IL12RB1: variants seen among roughly 807,000 people sequenced by gnomAD.
The protein encoded by IL12RB1 is interleukin-12 receptor subunit beta-1.
In IL12RB1, 64 loss-of-function variants were observed where a neutral mutation model predicts 94.4. The observed-to-expected ratio is 0.68, with a 90% CI of 0.55 to 0.83. The LOEUF (loss-of-function observed/expected upper bound fraction) is 0.83. Ranked by LOEUF, IL12RB1 falls within the 40% of genes least tolerant of loss-of-function variation. The pLI, the probability that IL12RB1 is intolerant of heterozygous loss-of-function variation, is 0.00. For synonymous variants in IL12RB1, 362 were observed against 355.5 expected (o/e 1.02, Z -0.21); for missense variants, 814 against 855.6 (o/e 0.95, Z 0.61).
intron 8 of IL12RB1, 31 bp from the exon 9 acceptor site, chr19:18,072,380 T>A: frequency 1.4e-6 from 2 of 1,408,274 alleles, no homozygotes; most frequent in Non-Finnish European, 2.0e-6. Context: ...AGCTTGTGGG[T>A]ACCTGATCAC....
intron 3 of IL12RB1, 52 bp downstream of exon 3, chr19:18,082,098 A>G: frequency 8.6e-7 from 1 of 1,158,042 alleles, no homozygotes; most frequent in South Asian, 1.2e-5. Context: ...AGGGGGTTGA[A>G]GCAAGAGTGG....
chr19:18,071,663 A>G (rs972521424), intron 9 of IL12RB1, among the ~76,000 whole-genome samples: 7 of 151,620 alleles, frequency 4.6e-5, no homozygotes, highest in Non-Finnish European at 1.0e-4. Flanking sequence ...TGCATTATGG[A>G]TCTTGATTAT....
chr19:18,075,047 G>C (rs1195033115), intron 7 of IL12RB1, among the ~76,000 whole-genome samples: 1 of 148,544 alleles, frequency 6.7e-6, no homozygotes, highest in African/African-American at 2.5e-5. Context: ...GTGAGACTCC[G>C]TCTCAAAAAA....
At chr19:18,085,922 A>G (rs1248604363) in intron 1 of IL12RB1, among the ~76,000 whole-genome samples, 1 of 151,366 alleles carries the variant, frequency 6.6e-6, no homozygotes, top group East Asian at 2.0e-4. Context: ...GATTATTAAA[A>G]GTATATGGGA....
rs2146278131 is a variant in IL12RB1, at chr19:18,073,474, C to T, written c.783+43G>A. 4 of 1,236,976 alleles carry T rather than the reference C, an allele frequency of 3.2e-6. No homozygotes were observed. The South Asian group carries it at 3.6e-5, about 11-fold the overall frequency. 76.6% of individuals were successfully genotyped at this position (1,236,976 alleles called of 1,614,324 possible). ...CCCGCCTAGGCTTTTGCCTCCTGCT[C>T]CCCATCCCAGGCCACCCCACAGCCC... On this transcript the variant is annotated intron_variant, in intron 8 of 16. Transcript: ENST00000593993.
upstream of IL12RB1, among the ~76,000 whole-genome samples, chr19:18,089,776 G>T (rs2045387): frequency 0.18 from 27,694 of 152,260 alleles, 3,249 homozygotes; most frequent in South Asian, 0.27. Flanking sequence ...AGTGGCCAGG[G>T]TTGTGCAATG....
At chr19:18,093,306 CAAAAACA>C (rs2036720756) in intron 1 of IL12RB1, among the ~76,000 whole-genome samples, 2 of 146,198 alleles carry the variant, frequency 1.4e-5, no homozygotes, top group African/African-American at 5.2e-5. Flanking sequence ...ACTTTTGTCT[CAAAAACA>C]AAAAACAAAA....
chr19:18,087,564 T>C (rs577130777), upstream of IL12RB1, among the ~76,000 whole-genome samples: 23 of 151,754 alleles, frequency 1.5e-4, no homozygotes, highest in Non-Finnish European at 3.1e-4. Context: ...GGCCCAGCTG[T>C]AGTGCAGTGG....
chr19:18,063,078 A>ATTTTTTTTTTT (rs67262412), intron 13 of IL12RB1, among the ~76,000 whole-genome samples: 22 of 51,466 alleles, frequency 4.3e-4, no homozygotes, highest in South Asian at 1.0e-3. Context: ...TTCTTCTTCT[A>ATTTTTTTTTTT]TTTTTTTTTT....
upstream of IL12RB1, among the ~76,000 whole-genome samples, chr19:18,087,178 C>T (rs187659212): frequency 1.3e-4 from 19 of 151,074 alleles, no homozygotes; most frequent in East Asian, 3.7e-3. Context: ...TGGTTCCATG[C>T]ACTTGGCCAG....
At chr19:18,098,886 C>A in exon 1 of IL12RB1, 1 of 442,872 alleles carries the variant, frequency 2.3e-6, no homozygotes, top group Non-Finnish European at 4.5e-6. Context: ...GCAGCGGTGA[C>A]CCCACGGAGT....
intron 10 of IL12RB1, 89 bp downstream of exon 10, chr19:18,069,457 T>C (rs1462399235): frequency 1.6e-6 from 2 of 1,254,294 alleles, no homozygotes; most frequent in Non-Finnish European, 2.2e-6. Flanking sequence ...AGACACCCGC[T>C]GTGTGCCTTC....
chr19:18,063,076 C>CTCTTTT (rs1345434373), intron 13 of IL12RB1, among the ~76,000 whole-genome samples: 4 of 75,182 alleles, frequency 5.3e-5, no homozygotes, highest in Non-Finnish European at 7.1e-5. Flanking sequence ...TCTTCTTCTT[C>CTCTTTT]TATTTTTTTT....
intron 1 of IL12RB1, among the ~76,000 whole-genome samples, chr19:18,085,425 T>A (rs2036263605): frequency 7.1e-6 from 1 of 141,522 alleles, no homozygotes; most frequent in African/African-American, 2.6e-5. Flanking sequence ...CCAGGATACC[T>A]CGTGGGCTGC....
At chr19:18,088,100 G>A (rs922200055), upstream of IL12RB1, among the ~76,000 whole-genome samples, 1 of 151,828 alleles carries the variant, frequency 6.6e-6, no homozygotes, top group Non-Finnish European at 1.5e-5. Flanking sequence ...AAAAAATAAA[G>A]AATTAGGCCA....
At chr19:18,079,824 G>A (rs1386097933) in intron 4 of IL12RB1, among the ~76,000 whole-genome samples, 1 of 151,982 alleles carries the variant, frequency 6.6e-6, no homozygotes, top group South Asian at 2.1e-4. Flanking sequence ...GTGAACCCAG[G>A]AGGCAGAGCT....
chr19:18,077,766 A>C, intron 4 of IL12RB1, 111 bp from the exon 5 acceptor site: 1 of 751,478 alleles, frequency 1.3e-6, no homozygotes, highest in Non-Finnish European at 2.4e-6. Flanking sequence ...AATATGAATT[A>C]GGGGACACTT....
chr19:18,076,657 C>T (rs528821718), intron 5 of IL12RB1, among the ~76,000 whole-genome samples: 6 of 152,238 alleles, frequency 3.9e-5, no homozygotes, highest in South Asian at 4.1e-4. Flanking sequence ...CACCCCAACT[C>T]GGCCTCCCAA....
chr19:18,083,632 C>CCCAT (rs935531057), intron 1 of IL12RB1, 141 bp from the exon 2 acceptor site: 1 of 746,536 alleles, frequency 1.3e-6, no homozygotes, highest in African/African-American at 1.7e-5. Context: ...CCTACCACCA[C>CCCAT]CCATCCATCC....
Sources: gnomAD v4.1 joint callset for allele counts (sites outside exome capture counted in the v4.1 genomes callset) on GRCh38, gnomAD v4.1.1 for gene constraint, MANE v1.5 for transcripts, NCBI Gene and HGNC (gene_info 2026-07-23, HGNC 2026-07-21) for gene names.